The following UGT1A10 variants were observed in gnomAD, a reference collection of about 807,000 sequenced individuals.
UGT1A10 encodes the protein UDP glucuronosyltransferase family 1 member A10.
In UGT1A10, 49 loss-of-function variants were observed where a neutral mutation model predicts 45.8. The ratio of observed to expected loss-of-function variants is 1.07; its 90% CI spans 0.85 to 1.36. The LOEUF is 1.36. UGT1A10 is among the 40% of genes most tolerant of loss of function. The pLI, the probability that UGT1A10 is intolerant of heterozygous loss-of-function variation, is 0.00. For missense variants in UGT1A10, 745 were observed against 668.6 expected (o/e 1.11, Z -1.26); for synonymous variants, 284 against 249.7 (o/e 1.14, Z -1.29).
chr2:233,753,118 A>G (rs1695134024), intron 1 of UGT1A10: 1 of 152,220 alleles, frequency 6.6e-6, no homozygotes, highest in Non-Finnish European at 1.5e-5. Context: ...CATCCCCAGC[A>G]AACTACTCAG....
intron 1 of UGT1A10, chr2:233,672,017 T>G (rs775685755): frequency 6.2e-7 from 1 of 1,614,158 alleles, no homozygotes; most frequent in South Asian, 1.1e-5. Flanking sequence ...GCAGGGAAGC[T>G]ACTGGTAGTG....
intron 1 of UGT1A10, chr2:233,748,227 A>C (rs1693897590): frequency 1.4e-6 from 2 of 1,423,074 alleles, no homozygotes; most frequent in African/African-American, 2.9e-5. Context: ...ATAAACTGTT[A>C]AGGGGTCTCT....
intron 1 of UGT1A10, among the ~76,000 whole-genome samples, chr2:233,746,869 C>T (rs769029902): frequency 3.3e-5 from 5 of 151,744 alleles, no homozygotes; most frequent in African/African-American, 4.9e-5. Flanking sequence ...GCCTGATAAA[C>T]GTGGTTAACA....
chr2:233,671,734 C>T, intron 1 of UGT1A10: 1 of 1,197,546 alleles, frequency 8.4e-7, no homozygotes, highest in Non-Finnish European at 1.1e-6. Context: ...GTCTGGAAAA[C>T]ATACAAATAG....
At chr2:233,716,354 T>C (rs1201457600) in intron 1 of UGT1A10, among the ~76,000 whole-genome samples, 6 of 152,254 alleles carry the variant, frequency 3.9e-5, no homozygotes, top group Admixed American at 2.6e-4. Context: ...ACAATGTAGA[T>C]ACTTTGTGGG....
At chr2:233,701,472 C>T (rs1331226605) in intron 1 of UGT1A10, among the ~76,000 whole-genome samples, 3 of 152,248 alleles carry the variant, frequency 2.0e-5, no homozygotes, top group South Asian at 4.2e-4. Context: ...AGGAATTGAA[C>T]TCAGCTCTGC....
At chr2:233,713,867 T>C (rs2076352815) in intron 1 of UGT1A10, 2 of 1,613,882 alleles carry the variant, frequency 1.2e-6, no homozygotes, top group Non-Finnish European at 1.7e-6. Flanking sequence ...AGGTCTGTAT[T>C]GGTGCCTTTA....
intron 1 of UGT1A10, chr2:233,755,333 G>C (rs878855763): frequency 6.6e-6 from 3 of 455,150 alleles, no homozygotes; most frequent in South Asian, 1.9e-5. Context: ...CAGCACCCGC[G>C]CACAGGTCAG....
intron 1 of UGT1A10, among the ~76,000 whole-genome samples, chr2:233,756,714 T>C (rs1696309930): frequency 6.6e-6 from 1 of 152,188 alleles, no homozygotes. Flanking sequence ...GGGACTTTTT[T>C]TGAGATCTGA....
intron 1 of UGT1A10, among the ~76,000 whole-genome samples, chr2:233,751,824 C>T (rs377308595): frequency 8.3e-4 from 127 of 152,144 alleles, no homozygotes; most frequent in African/African-American, 2.9e-3. Context: ...GCCTCCCCAG[C>T]CATGTGGAAC....
chr2:233,681,194 C>T (rs968368411), intron 1 of UGT1A10, among the ~76,000 whole-genome samples: 3 of 151,954 alleles, frequency 2.0e-5, no homozygotes. Context: ...TTCCGTCGAA[C>T]ATGAGATGCC....
At chr2:233,653,168 A>C (rs1418452306) in intron 1 of UGT1A10, among the ~76,000 whole-genome samples, 1 of 152,242 alleles carries the variant, frequency 6.6e-6, no homozygotes, top group Non-Finnish European at 1.5e-5. Flanking sequence ...TACAAATGTA[A>C]TTCCAGAAAA....
intron 1 of UGT1A10, among the ~76,000 whole-genome samples, chr2:233,655,974 A>G (rs1431786372): frequency 6.6e-6 from 1 of 152,146 alleles, no homozygotes; most frequent in Non-Finnish European, 1.5e-5. Context: ...TTCTTGGAAA[A>G]GGTTACAACC....
chr2:233,754,416 A>G, intron 1 of UGT1A10: 1 of 342,596 alleles, frequency 2.9e-6, no homozygotes, highest in South Asian at 2.4e-5. Flanking sequence ...AACAATAAAG[A>G]CAGGCATTGG....
intron 1 of UGT1A10, chr2:233,672,168 A>C (rs772241924): frequency 6.2e-7 from 1 of 1,614,162 alleles, no homozygotes; most frequent in East Asian, 2.2e-5. Flanking sequence ...AGACTTATTC[A>C]ACTTCATATA....
chr2:233,725,246 AGAG>A (rs1452958185), intron 1 of UGT1A10, among the ~76,000 whole-genome samples: 3 of 47,660 alleles, frequency 6.3e-5, no homozygotes, highest in African/African-American at 3.5e-4. Flanking sequence ...AGGCAGAGGC[AGAG>A]GAGGCAGAGG....
intron 1 of UGT1A10, among the ~76,000 whole-genome samples, chr2:233,735,156 T>G (rs2078613836): frequency 6.6e-6 from 1 of 152,214 alleles, no homozygotes; most frequent in Non-Finnish European, 1.5e-5. Context: ...TCTAAGTCTC[T>G]GTGTAGGTCT....
chr2:233,690,847 T>TA (rs2075018275), intron 1 of UGT1A10: 2 of 1,068,466 alleles, frequency 1.9e-6, no homozygotes, highest in Non-Finnish European at 2.3e-6. Context: ...AAATGTTTTC[T>TA]AATACCTTCT....
chr2:233,685,520 T>A (rs1295833237), intron 1 of UGT1A10, among the ~76,000 whole-genome samples: 1 of 152,206 alleles, frequency 6.6e-6, no homozygotes, highest in African/African-American at 2.4e-5. Flanking sequence ...GATCTATGCT[T>A]TCCCCATTGC....
Sources: allele counts gnomAD v4.1 joint callset (sites outside exome capture counted in the v4.1 genomes callset), GRCh38; gene constraint gnomAD v4.1.1; transcripts MANE v1.5; gene names NCBI Gene and HGNC (gene_info 2026-07-23, HGNC 2026-07-21).